The following CENPP variants were observed in gnomAD, a reference collection of about 807,000 sequenced individuals.
The protein encoded by CENPP is centromere protein P.
A neutral mutation model predicts 35.6 loss-of-function variants in CENPP; 24 were observed. That is an observed-to-expected ratio of 0.67 (90% confidence interval 0.49 to 0.95). CENPP has a LOEUF of 0.95. Among genes scored for constraint, CENPP ranks in the 40% least tolerant of loss-of-function variants. The probability of loss-of-function intolerance (pLI) is 0.00; values close to 1 mark genes in which losing one functional copy is unlikely to be tolerated. For missense variants in CENPP, 332 were observed against 345.3 expected, an observed-to-expected ratio of 0.96 and a Z score of 0.31; for synonymous variants, 120 against 125.5, an observed-to-expected ratio of 0.96 and a Z score of 0.29.
At chr9:92,587,472 A>C (rs1173000957) in intron 5 of CENPP, among the ~76,000 whole-genome samples, 1 of 151,640 alleles carries the variant, frequency 6.6e-6, no homozygotes, top group Non-Finnish European at 1.5e-5. Flanking sequence ...TGCCATCTCA[A>C]AAAAAAGGGG....
chr9:92,390,655 T>G (rs1453608365), intron 5 of CENPP, among the ~76,000 whole-genome samples: 1 of 152,160 alleles, frequency 6.6e-6, no homozygotes. Flanking sequence ...TGTTTCTTAT[T>G]CACAGGAATC....
At chr9:92,328,921 C>A (rs2130771057) in intron 1 of CENPP, among the ~76,000 whole-genome samples, 1 of 152,310 alleles carries the variant, frequency 6.6e-6, no homozygotes, top group East Asian at 1.9e-4. Context: ...AACACATGCA[C>A]ATTGTTGTAC....
intron 5 of CENPP, among the ~76,000 whole-genome samples, chr9:92,550,463 G>C (rs1230568708): frequency 6.6e-6 from 1 of 151,946 alleles, no homozygotes; most frequent in Admixed American, 6.6e-5. Context: ...ATAATCTAAT[G>C]AAATAGTTCA....
At chr9:92,609,770 CTT>C (rs1037244937) in intron 5 of CENPP, among the ~76,000 whole-genome samples, 10 of 152,220 alleles carry the variant, frequency 6.6e-5, no homozygotes, top group African/African-American at 1.4e-4. Context: ...GAGTTTCACT[CTT>C]GTCGCCCAGG....
intron 5 of CENPP, among the ~76,000 whole-genome samples, chr9:92,428,445 G>A (rs1844023353): frequency 6.6e-6 from 1 of 152,122 alleles, no homozygotes; most frequent in South Asian, 2.1e-4. Flanking sequence ...TTAAACAAGT[G>A]TCCCAGGTCC....
At chr9:92,395,941 G>C (rs367584095) in intron 5 of CENPP, among the ~76,000 whole-genome samples, 3 of 151,018 alleles carry the variant, frequency 2.0e-5, no homozygotes, top group African/African-American at 4.9e-5. Flanking sequence ...AATGTTTGCC[G>C]ACCACCAAGA....
chr9:92,500,747 C>T (rs1846622691), intron 5 of CENPP: 3 of 1,611,650 alleles, frequency 1.9e-6, no homozygotes, highest in Non-Finnish European at 2.5e-6. Context: ...TGTTGTTCAG[C>T]CTCAGAAAAT....
At chr9:92,562,309 A>C (rs138817310) in intron 5 of CENPP, among the ~76,000 whole-genome samples, 15 of 148,178 alleles carry the variant, frequency 1.0e-4, no homozygotes, top group African/African-American at 3.8e-4. Context: ...GGTTCAAGCG[A>C]TTCTCCTGCC....
At chr9:92,401,303 A>C in intron 5 of CENPP, 1 of 566,892 alleles carries the variant, frequency 1.8e-6, no homozygotes, top group South Asian at 2.5e-5. Context: ...TTTGTGCTCC[A>C]TTAGGCTTTC....
chr9:92,460,056 CTTTT>C (rs869237016), intron 5 of CENPP, among the ~76,000 whole-genome samples: 1 of 109,576 alleles, frequency 9.1e-6, no homozygotes, highest in Admixed American at 9.5e-5. Context: ...AACGGTGGTT[CTTTT>C]TTTTTTTTTT....
intron 5 of CENPP, among the ~76,000 whole-genome samples, chr9:92,609,975 G>T (rs865805652): frequency 6.6e-6 from 1 of 152,128 alleles, no homozygotes; most frequent in Non-Finnish European, 1.5e-5. Flanking sequence ...ACCTCAGGTG[G>T]TCTGCCCTCC....
intron 5 of CENPP, among the ~76,000 whole-genome samples, chr9:92,506,912 T>C (rs750158598): frequency 2.0e-5 from 3 of 152,018 alleles, no homozygotes; most frequent in South Asian, 4.2e-4. Context: ...TTAAATTTTA[T>C]TTTATTTTAT....
At chr9:92,352,510 C>CATAT (rs67070835) in intron 4 of CENPP, among the ~76,000 whole-genome samples, 2,481 of 50,398 alleles carry the variant, frequency 0.049, 258 homozygotes, top group East Asian at 0.063. Flanking sequence ...TGTGTGTATA[C>CATAT]ATATATATAT....
chr9:92,453,593 A>T lies in CENPP; in HGVS notation c.564+73734A>T, dbSNP rs924630468. 4.6e-5 allele frequency among the ~76,000 whole-genome samples: 7 copies of T among 152,072 alleles called. No individual in the cohort carries two copies. In the East Asian group the frequency reaches 1.3e-3, roughly 29 times the overall value. On this transcript the variant is annotated intron_variant, in intron 5 of 7. Coordinates refer to ENST00000375587, the MANE Select transcript of CENPP (RefSeq NM_001012267.3). ...TATATTCTGTTGATTTGGGGTGGAG[A>T]GTTCTGTAGATGTCTATTAGAGACT...
intron 5 of CENPP, among the ~76,000 whole-genome samples, chr9:92,418,914 TTCAAGTG>T (rs1176748461): frequency 6.6e-6 from 1 of 152,178 alleles, no homozygotes; most frequent in Admixed American, 6.5e-5. Context: ...TTCTACAAAG[TTCAAGTG>T]TCTTTACATT....
intron 4 of CENPP, among the ~76,000 whole-genome samples, chr9:92,357,200 T>C (rs2130825614): frequency 6.6e-6 from 1 of 151,570 alleles, no homozygotes; most frequent in African/African-American, 2.4e-5. Flanking sequence ...GTCTTTTTTT[T>C]TGTTTTTTTA....
At chr9:92,517,736 G>C (rs1471550189) in intron 5 of CENPP, 1 of 1,614,022 alleles carries the variant, frequency 6.2e-7, no homozygotes, top group East Asian at 2.2e-5. Flanking sequence ...TAACTGTTTG[G>C]GGGCACCTCT....
rs145827268 is a variant in CENPP, at chr9:92,353,636, G to T, written c.467+7849G>T. ...CTTAAATGTAGGAGGAGCCCAAAGTGTCCAGGTGGCAATCTTAACTTCCAG... is the reference window on the plus strand; with the variant it reads ...CTTAAATGTAGGAGGAGCCCAAAGTTTCCAGGTGGCAATCTTAACTTCCAG... On this transcript the variant is annotated intron_variant, in intron 4 of 7. Coordinates refer to ENST00000375587, the MANE Select transcript of CENPP (RefSeq NM_001012267.3). Among the ~76,000 whole-genome samples the T allele has an allele frequency of 7.3e-3, 1,117 of 152,308 alleles. 14 individuals carry two copies. The highest frequency in any genetic ancestry group is 0.025 in the African/African-American group (1,053 of 41,578).
chr9:92,475,336 A>G (rs1022607285), intron 5 of CENPP, among the ~76,000 whole-genome samples: 37 of 152,312 alleles, frequency 2.4e-4, no homozygotes, highest in African/African-American at 8.7e-4. Flanking sequence ...ATCTTTTGTG[A>G]AATAAAAAAA....
Sources: allele counts gnomAD v4.1 joint callset (sites outside exome capture counted in the v4.1 genomes callset), GRCh38; gene constraint gnomAD v4.1.1; transcripts MANE v1.5; gene names NCBI Gene and HGNC (gene_info 2026-07-23, HGNC 2026-07-21).